The following FBN1 variants were observed in gnomAD, a reference collection of about 807,000 sequenced individuals.
FBN1 encodes fibrillin 1.
In FBN1, 29 loss-of-function variants were observed where a neutral mutation model predicts 365.1. The observed-to-expected ratio is 0.08, with a 90% confidence interval of 0.06 to 0.11. The LOEUF (loss-of-function observed/expected upper bound fraction) is 0.11. Ranked by LOEUF, FBN1 falls within the 10% of genes least tolerant of loss-of-function variation. FBN1 has a pLI of 1.00. For missense variants in FBN1, 2,476 were observed against 3,703.2 expected (o/e 0.67, Z 8.60); for synonymous variants, 1,210 against 1,270.5 (o/e 0.95, Z 1.01).
intron 58 of FBN1, among the ~76,000 whole-genome samples, chr15:48,426,588 T>C (rs1045775993): frequency 6.6e-6 from 1 of 152,068 alleles, no homozygotes; most frequent in South Asian, 2.1e-4. Context: ...TTTACCTCCT[T>C]ACTGCTTGGC....
intron 2 of FBN1, among the ~76,000 whole-genome samples, chr15:48,626,441 T>C (rs1171480729): frequency 6.6e-6 from 1 of 152,184 alleles, no homozygotes; most frequent in Non-Finnish European, 1.5e-5. Context: ...TTTAGAAACA[T>C]TTATAGCTAC....
rs535448149 is a variant in FBN1 at position 48,506,795 on chromosome 15, G to A, written c.1838-1648C>T. Among the ~76,000 whole-genome samples, 221 of 152,238 alleles carry A rather than the reference G, an allele frequency of 1.5e-3. 2 individuals are homozygous for A. Among genetic ancestry groups the A allele is most frequent in the Non-Finnish European group, 2.6e-3 (176 of 68,012 alleles). On this transcript the variant is annotated intron_variant, in intron 15 of 65. Transcript: ENST00000316623. Reference sequence around the variant, plus strand: ...GCATAAAGACAAAAATTATAAAAAGGAAGAAATCCAGTATACATGGGATTA... The same window carrying A: ...GCATAAAGACAAAAATTATAAAAAGAAAGAAATCCAGTATACATGGGATTA...
chr15:48,637,205 T>C (rs1046540557), intron 2 of FBN1, among the ~76,000 whole-genome samples: 1 of 152,204 alleles, frequency 6.6e-6, no homozygotes, highest in Non-Finnish European at 1.5e-5. Context: ...GACTCCTATA[T>C]TAGCCTCCTA....
intron 2 of FBN1, among the ~76,000 whole-genome samples, chr15:48,637,065 G>A (rs1181523620): frequency 6.6e-6 from 1 of 152,120 alleles, no homozygotes; most frequent in African/African-American, 2.4e-5. Context: ...AGCATTCTAG[G>A]TCCTCCTCGC....
At chr15:48,454,288 TACC>T (rs937890995) in intron 44 of FBN1, among the ~76,000 whole-genome samples, 4 of 152,178 alleles carry the variant, frequency 2.6e-5, no homozygotes, top group African/African-American at 9.7e-5. Context: ...CTCAAATTAC[TACC>T]ACAAGGCAAT....
intron 6 of FBN1, among the ~76,000 whole-genome samples, chr15:48,590,578 C>T (rs2044469530): frequency 6.6e-6 from 1 of 152,192 alleles, no homozygotes; most frequent in African/African-American, 2.4e-5. Flanking sequence ...GTCAACTGCA[C>T]ATATAAGAAG....
chr15:48,517,625 A>G (rs890534348), intron 10 of FBN1, among the ~76,000 whole-genome samples: 7 of 152,362 alleles, frequency 4.6e-5, no homozygotes, highest in Admixed American at 4.6e-4. Context: ...TTTAAGCAGT[A>G]TCCAGGTTTC....
chr15:48,487,002 A>G (rs1465808268), intron 29 of FBN1, 73 bp downstream of exon 29: 1 of 1,172,936 alleles, frequency 8.5e-7, no homozygotes, highest in Non-Finnish European at 1.1e-6. Context: ...AAATAAAATA[A>G]AATAACATAA....
intron 64 of FBN1, among the ~76,000 whole-genome samples, chr15:48,414,284 C>T (rs1001157375): frequency 7.2e-5 from 11 of 152,146 alleles, no homozygotes; most frequent in East Asian, 1.9e-4. Flanking sequence ...GTGCTTCCCA[C>T]GAAACATTCT....
intron 6 of FBN1, among the ~76,000 whole-genome samples, chr15:48,574,413 C>G (rs759227698): frequency 6.6e-6 from 1 of 152,122 alleles, no homozygotes; most frequent in Non-Finnish European, 1.5e-5. Flanking sequence ...TTGTTTGTGA[C>G]AGCAAGAGAT....
chr15:48,465,495 G>A, intron 40 of FBN1, 73 bp downstream of exon 40: 1 of 1,549,910 alleles, frequency 6.5e-7, no homozygotes, highest in Non-Finnish European at 8.9e-7. Context: ...TATTTTCCTA[G>A]TAACCATATT....
intron 43 of FBN1, 86 bp from the exon 44 acceptor site, chr15:48,456,848 G>GTGTA: frequency 9.6e-7 from 1 of 1,037,958 alleles, no homozygotes; most frequent in Admixed American, 1.8e-5. Flanking sequence ...GCGTGCGTGT[G>GTGTA]TGTGTGTGTG....
intron 8 of FBN1, among the ~76,000 whole-genome samples, chr15:48,531,907 A>G (rs1468482327): frequency 6.6e-6 from 1 of 152,100 alleles, no homozygotes; most frequent in Non-Finnish European, 1.5e-5. Context: ...ATCTAAATTA[A>G]TGTAATAGTA....
Position 48,613,073 on chromosome 15 carries a change from G to A in FBN1, c.184C>T (p.Arg62Cys), listed in dbSNP as rs25403. 2 of 1,613,068 alleles carry A rather than the reference G, an allele frequency of 1.2e-6. No individual in the cohort carries two copies. The highest frequency in any genetic ancestry group is 1.7e-6 in the Non-Finnish European group (2 of 1,179,462). The change falls in exon 3 of 66, where the codon CGT becomes TGT. Residue 62 changes from arginine (R) to cysteine (C), a missense_variant. This residue lies in a region of FBN1 where 76 missense variants were observed against 85.4 expected (regional missense o/e 0.89). Transcript: ENST00000316623. ...ALKGPNVCGSRYNAYCCPGWK... is the reference protein window; with the variant it reads ...ALKGPNVCGSCYNAYCCPGWK... The stretch of plus-strand genomic sequence containing the variant: ...CCAGGGCAACAGTAAGCATTATAAC[G>A]TGATCCACAGACATTGGGTCTAAAA...
intron 6 of FBN1, among the ~76,000 whole-genome samples, chr15:48,565,471 T>A (rs947784819): frequency 6.6e-6 from 1 of 152,016 alleles, no homozygotes; most frequent in African/African-American, 2.4e-5. Context: ...TCTTAACACA[T>A]AACACAATCA....
At chr15:48,583,215 C>G (rs1294989088) in intron 6 of FBN1, among the ~76,000 whole-genome samples, 1 of 152,232 alleles carries the variant, frequency 6.6e-6, no homozygotes, top group Non-Finnish European at 1.5e-5. Context: ...GATAAACTCA[C>G]ACCTCCTCTC....
chr15:48,592,432 G>GT (rs1451992895), intron 6 of FBN1, among the ~76,000 whole-genome samples: 3 of 152,116 alleles, frequency 2.0e-5, no homozygotes, highest in Admixed American at 1.3e-4. Flanking sequence ...ATTCCACACA[G>GT]TTTTTTTGTT....
At chr15:48,460,381 G>A (rs2043271996) in intron 42 of FBN1, 64 bp from the exon 43 acceptor site, 1 of 987,386 alleles carries the variant, frequency 1.0e-6, no homozygotes, top group Non-Finnish European at 1.6e-6. Flanking sequence ...TAATTGGACT[G>A]AAAAAAATTA....
intron 35 of FBN1, 93 bp downstream of exon 35, chr15:48,472,458 T>TAAAAAAA: frequency 1.7e-6 from 2 of 1,181,606 alleles, no homozygotes; most frequent in East Asian, 2.7e-5. Flanking sequence ...CACCTCAGTT[T>TAAAAAAA]AAAAAAAAAA....
Sources: allele counts gnomAD v4.1 joint callset (sites outside exome capture counted in the v4.1 genomes callset), GRCh38; gene constraint gnomAD v4.1.1; regional missense constraint gnomAD v4.1.1; transcripts MANE v1.5; gene names NCBI Gene and HGNC (gene_info 2026-07-23, HGNC 2026-07-21).